The following LZTFL1 variants were observed in gnomAD, a reference collection of about 807,000 sequenced individuals.
LZTFL1 encodes leucine zipper transcription factor-like protein 1.
A neutral mutation model predicts 45.9 loss-of-function variants in LZTFL1; 25 were observed. That is an observed-to-expected ratio of 0.54 (90% confidence interval 0.40 to 0.76). The LOEUF (loss-of-function observed/expected upper bound fraction) is 0.76. Ranked by LOEUF, LZTFL1 falls within the 30% of genes least tolerant of loss-of-function variation. LZTFL1 has a pLI of 0.00. For missense variants in LZTFL1, 277 were observed against 331.1 expected, an observed-to-expected ratio of 0.84 and a Z score of 1.27; for synonymous variants, 93 against 117.4, an observed-to-expected ratio of 0.79 and a Z score of 1.35.
At chr3:45,905,588 G>A (rs1397632372) in intron 2 of LZTFL1, among the ~76,000 whole-genome samples, 1 of 152,240 alleles carries the variant, frequency 6.6e-6, no homozygotes, top group East Asian at 1.9e-4. Context: ...CAGGCCCTCT[G>A]GTTGCCAGTT....
At chr3:45,857,128 C>T (rs1035813979) in intron 3 of LZTFL1, among the ~76,000 whole-genome samples, 41 of 152,312 alleles carry the variant, frequency 2.7e-4, no homozygotes, top group African/African-American at 9.6e-4. Context: ...CCTAAATGCT[C>T]ATCAATGATA....
At chr3:45,915,426 AG>A (rs1341790218) in exon 1 of LZTFL1, 1 of 442,988 alleles carries the variant, frequency 2.3e-6, no homozygotes, top group Non-Finnish European at 4.5e-6. Context: ...CTGACCTGGA[AG>A]ACGGACGTTT....
intron 2 of LZTFL1, among the ~76,000 whole-genome samples, chr3:45,876,681 G>C (rs1701753576): frequency 6.6e-6 from 1 of 152,182 alleles, no homozygotes; most frequent in Non-Finnish European, 1.5e-5. Context: ...CTATTTTATA[G>C]ATAAGGAAAA....
intron 2 of LZTFL1, 110 bp downstream of exon 2, chr3:45,837,817 G>T: frequency 1.7e-6 from 2 of 1,181,892 alleles, no homozygotes; most frequent in Non-Finnish European, 2.3e-6. Context: ...GCAAATAATT[G>T]ATCATGATGA....
intron 2 of LZTFL1, among the ~76,000 whole-genome samples, chr3:45,870,182 C>T (rs948587288): frequency 3.9e-5 from 6 of 152,180 alleles, no homozygotes; most frequent in African/African-American, 1.4e-4. Context: ...AGGGTGCTCA[C>T]GAGGGCATGC....
chr3:45,899,972 T>C (rs923974981), intron 2 of LZTFL1, among the ~76,000 whole-genome samples: 1 of 152,216 alleles, frequency 6.6e-6, no homozygotes, highest in African/African-American at 2.4e-5. Flanking sequence ...CATGAGTGTG[T>C]ACCTATGTGT....
At chr3:45,899,153 C>T (rs1262001952) in intron 2 of LZTFL1, among the ~76,000 whole-genome samples, 2 of 152,184 alleles carry the variant, frequency 1.3e-5, no homozygotes, top group Non-Finnish European at 2.9e-5. Context: ...GAAGCAAGAG[C>T]AAAACTCCGT....
At chr3:45,903,797 G>A (rs574596135) in intron 2 of LZTFL1, among the ~76,000 whole-genome samples, 2 of 152,294 alleles carry the variant, frequency 1.3e-5, no homozygotes, top group African/African-American at 4.8e-5. Context: ...CCCAGCACTG[G>A]CACTGCATCC....
At chr3:45,914,055 G>A (rs944825429) in intron 1 of LZTFL1, among the ~76,000 whole-genome samples, 5 of 152,146 alleles carry the variant, frequency 3.3e-5, no homozygotes, top group Admixed American at 1.3e-4. Context: ...CTAGTGCTTG[G>A]GCTAATGGAT....
At chr3:45,832,174 T>C (rs1354495187) in intron 5 of LZTFL1, among the ~76,000 whole-genome samples, 1 of 151,878 alleles carries the variant, frequency 6.6e-6, no homozygotes, top group Non-Finnish European at 1.5e-5. Context: ...TGAGCCTAGA[T>C]CACGCCACCG....
intron 4 of LZTFL1, among the ~76,000 whole-genome samples, chr3:45,854,715 T>G (rs1366527388): frequency 6.6e-6 from 1 of 152,204 alleles, no homozygotes; most frequent in Non-Finnish European, 1.5e-5. Flanking sequence ...AATCCATCAG[T>G]GTGTCTTGGT....
At chr3:45,856,265 G>A (rs1346462037) in intron 3 of LZTFL1, among the ~76,000 whole-genome samples, 3 of 152,246 alleles carry the variant, frequency 2.0e-5, no homozygotes, top group Admixed American at 6.5e-5. Flanking sequence ...TAACAAACCT[G>A]ATAAAAACAA....
chr3:45,849,226 T>G (rs1701270486), intron 4 of LZTFL1, among the ~76,000 whole-genome samples: 1 of 152,106 alleles, frequency 6.6e-6, no homozygotes, highest in Non-Finnish European at 1.5e-5. Context: ...CAGGGAAAGC[T>G]TTGAGGAAAA....
chr3:45,829,527 C>T (rs908083971), intron 7 of LZTFL1, among the ~76,000 whole-genome samples: 9 of 144,790 alleles, frequency 6.2e-5, no homozygotes, highest in East Asian at 2.1e-4. Context: ...TCGCTTGAGC[C>T]GGTGAGGTCA....
chr3:45,902,127 C>T, intron 2 of LZTFL1: 1 of 473,540 alleles, frequency 2.1e-6, no homozygotes, highest in Non-Finnish European at 3.8e-6. Flanking sequence ...CCGCAATTCT[C>T]AAAGGAGGAC....
At chr3:45,833,175 A>G (rs1360877005) in intron 4 of LZTFL1, 54 bp from the exon 5 acceptor site, 3 of 1,256,194 alleles carry the variant, frequency 2.4e-6, no homozygotes, top group South Asian at 2.4e-5. Context: ...AAGCATGTAT[A>G]ATCATTGAAC....
intron 3 of LZTFL1, 194 bp downstream of exon 3, chr3:45,835,396 T>G (rs537609453): frequency 1.8e-6 from 1 of 564,216 alleles, no homozygotes; most frequent in East Asian, 2.9e-5. Context: ...CTAGGAACAG[T>G]AGAAACAGAG....
At chr3:45,873,251 G>C (rs1701697727) in intron 2 of LZTFL1, among the ~76,000 whole-genome samples, 1 of 152,200 alleles carries the variant, frequency 6.6e-6, no homozygotes, top group Non-Finnish European at 1.5e-5. Flanking sequence ...CTGAAATTCT[G>C]CATTTCCAAC....
intron 2 of LZTFL1, among the ~76,000 whole-genome samples, chr3:45,898,083 C>A (rs529163749): frequency 1.0e-3 from 156 of 152,084 alleles, no homozygotes; most frequent in African/African-American, 3.5e-3. Context: ...GATTCACAGT[C>A]GGTACTTGCT....
Sources: gnomAD v4.1 joint callset for allele counts (sites outside exome capture counted in the v4.1 genomes callset) on GRCh38, gnomAD v4.1.1 for gene constraint, MANE v1.5 for transcripts, NCBI Gene and HGNC (gene_info 2026-07-23, HGNC 2026-07-21) for gene names.